Variants in ITPRID1 observed in about 807,000 individuals in gnomAD.
ITPRID1 encodes protein ITPRID1.
A neutral mutation model predicts 95.4 loss-of-function variants in ITPRID1; 96 were observed. The observed-to-expected ratio is 1.01, with a 90% CI of 0.85 to 1.19. The LOEUF (loss-of-function observed/expected upper bound fraction) is 1.19. Ranked by LOEUF, ITPRID1 falls within the 50% of genes most tolerant of loss-of-function variation. ITPRID1 has a pLI of 0.00. For missense variants in ITPRID1, 1,339 were observed against 1,252.9 expected, an observed-to-expected ratio of 1.07 and a Z score of -1.04; for synonymous variants, 510 against 453.6, an observed-to-expected ratio of 1.12 and a Z score of -1.58.
chr7:31,588,182 TAA>T (rs1452349882), intron 10 of ITPRID1, among the ~76,000 whole-genome samples: 1 of 152,044 alleles, frequency 6.6e-6, no homozygotes, highest in East Asian at 1.9e-4. Flanking sequence ...AACTCCTACA[TAA>T]AGGTACTGAA....
chr7:31,589,794 C>A (rs917612907), intron 10 of ITPRID1, among the ~76,000 whole-genome samples: 2 of 152,074 alleles, frequency 1.3e-5, no homozygotes, highest in Non-Finnish European at 2.9e-5. Flanking sequence ...GTAAACATTG[C>A]TAAAGGAAGT....
intron 10 of ITPRID1, among the ~76,000 whole-genome samples, chr7:31,599,259 A>C (rs1786240898): frequency 6.6e-6 from 1 of 152,216 alleles, no homozygotes; most frequent in Admixed American, 6.5e-5. Context: ...GTCTATCCAC[A>C]TAGATAAATA....
At chr7:31,559,111 C>T (rs1432772884) in intron 5 of ITPRID1, among the ~76,000 whole-genome samples, 4 of 152,178 alleles carry the variant, frequency 2.6e-5, no homozygotes, top group Admixed American at 2.0e-4. Context: ...GATTATTGCC[C>T]TCTTCTTGGT....
rs144272904 is a variant in ITPRID1, at chr7:31,548,278, A to G, written c.-97-1148A>G. Among the ~76,000 whole-genome samples, 1,351 of 152,216 alleles carry G rather than the reference A, an allele frequency of 8.9e-3. 12 individuals are homozygous for G. Among genetic ancestry groups the G allele is most frequent in the Non-Finnish European group, 0.013 (880 of 68,018 alleles). On this transcript the variant is annotated intron_variant, in intron 1 of 14. Transcript: ENST00000615280. ...GATAATGAAATCTTCCAGAAAGATG[A>G]CAGAAATACCATACTAAAATTTTCA... is the stretch of plus-strand genomic sequence containing the variant.
chr7:31,565,111 T>A (rs568844974), intron 5 of ITPRID1, among the ~76,000 whole-genome samples: 1 of 152,192 alleles, frequency 6.6e-6, no homozygotes, highest in South Asian at 2.1e-4. Flanking sequence ...TGTGCAAGGC[T>A]CCCAACTGCC....
At chr7:31,522,405 G>A (rs1783293998) in intron 1 of ITPRID1, among the ~76,000 whole-genome samples, 1 of 152,158 alleles carries the variant, frequency 6.6e-6, no homozygotes, top group African/African-American at 2.4e-5. Context: ...GTGCTATACA[G>A]CCTTCTTGGG....
At chr7:31,645,191 G>A (rs996228852) in intron 12 of ITPRID1, among the ~76,000 whole-genome samples, 3 of 152,200 alleles carry the variant, frequency 2.0e-5, no homozygotes, top group South Asian at 2.1e-4. Flanking sequence ...AGAAGTGTCC[G>A]ACTTTAAAAT....
Position 31,553,123 on chromosome 7 carries a change from G to A in ITPRID1, c.99G>A (p.Pro33=), listed in dbSNP as rs372303441. 118 of 1,596,438 alleles carry A rather than the reference G, an allele frequency of 7.4e-5. No individual in the cohort carries two copies. The African/African-American group carries it at 9.9e-4, about 13-fold the overall frequency. The change falls in exon 3 of 15, where the codon CCG becomes CCA. Residue 33 remains proline (P), a synonymous_variant. Coordinates refer to ENST00000615280, the MANE Select transcript of ITPRID1 (RefSeq NM_001257967.3). ...ILKCTKSAWA[P]LDEWLPPDPE... ...AGTGCACCAAAAGCGCGTGGGCTCC[G>A]CTGGATGAGTGGCTGCCCCCTGACC...
At position 31,549,443 on chromosome 7, in the gene ITPRID1, A is replaced by C; in HGVS notation, c.-80A>C. 6.6e-7 allele frequency: 1 copy of C among 1,511,164 alleles called. No homozygotes were observed. Among genetic ancestry groups the C allele is most frequent in the Non-Finnish European group, 8.8e-7 (1 of 1,137,226 alleles). The allele number at this position is 1,511,164 out of a possible 1,614,324, so 93.6% of individuals were successfully genotyped here. A position where few individuals can be genotyped will look rare whatever the true frequency, so the allele number is the denominator to read the frequency against. ...CTTGACAGTTCCTGACAGGATAAGG[A>C]CAAGAAGCAACACACAGAAGAGAAG... On this transcript the variant is annotated 5_prime_UTR_variant, in exon 2 of 15. Transcript: ENST00000615280.
chr7:31,521,904 ATTTTT>A lies in ITPRID1; in HGVS notation c.-98+7803_-98+7807del, dbSNP rs55777151. Among the ~76,000 whole-genome samples the A allele has an allele frequency of 2.8e-3, 337 of 119,002 alleles. 1 individual carries two copies. Among genetic ancestry groups the A allele is most frequent in the African/African-American group, 4.8e-3 (145 of 30,048 alleles). The allele number at this position is 119,002 out of a possible 152,430, so 78.1% of individuals were successfully genotyped here. A position where few individuals can be genotyped will look rare whatever the true frequency, so the allele number is the denominator to read the frequency against. ...ATGGACCTCCACATGGGCTAATTTA[ATTTTT>A]TTTTTTTTTTTTTTTTTTGGTAGAG... is the stretch of plus-strand genomic sequence containing the variant. On this transcript the variant is annotated intron_variant, in intron 1 of 14. Coordinates refer to ENST00000615280, the MANE Select transcript of ITPRID1 (RefSeq NM_001257967.3).
intron 10 of ITPRID1, among the ~76,000 whole-genome samples, chr7:31,636,549 G>T (rs867463883): frequency 6.6e-6 from 1 of 152,002 alleles, no homozygotes; most frequent in African/African-American, 2.4e-5. Context: ...TTTTACCAAG[G>T]CTCAACCTCT....
chr7:31,658,493 C>T, downstream of ITPRID1: 1 of 1,060,966 alleles, frequency 9.4e-7, no homozygotes, highest in Non-Finnish European at 1.2e-6. Context: ...AGTGGTGCCC[C>T]TTTGAGAAGA....
At chr7:31,554,697 A>G (rs534039239) in intron 4 of ITPRID1, among the ~76,000 whole-genome samples, 161 bp from the exon 5 acceptor site, 127 of 152,348 alleles carry the variant, frequency 8.3e-4, no homozygotes, top group Admixed American at 1.9e-3. Context: ...AAACTACAAA[A>G]TAAAATACTA....
At position 31,588,758 on chromosome 7, in the gene ITPRID1, A is replaced by T. The variant is rs537912217; in HGVS notation, c.1228+5567A>T. 1.8e-4 allele frequency among the ~76,000 whole-genome samples: 28 copies of T among 152,198 alleles called. No homozygotes were observed. In the South Asian group the frequency reaches 5.4e-3, roughly 29 times the overall value. ...AGAGAACCAAGGAGGAAAATCTCCA[A>T]ATTCTAGGAATTAAATCTGTTCAAA... On this transcript the variant is annotated intron_variant, in intron 10 of 14. Transcript: ENST00000615280.
At chr7:31,622,594 A>T (rs1158852728) in intron 10 of ITPRID1, among the ~76,000 whole-genome samples, 1 of 152,018 alleles carries the variant, frequency 6.6e-6, no homozygotes, top group Non-Finnish European at 1.5e-5. Context: ...AATCTCTGGG[A>T]CACATTCAAA....
rs1785010559 is a variant in ITPRID1, at chr7:31,572,094, A to C, written c.309-8A>C. ...CACATCTCATTGTTGATATTTTCCCAACTGTAGATCTTTGCATCAGTTTTC... is the reference window on the plus strand; with the variant it reads ...CACATCTCATTGTTGATATTTTCCCCACTGTAGATCTTTGCATCAGTTTTC... On this transcript the variant is annotated splice_region_variant and splice_polypyrimidine_tract_variant and intron_variant, in intron 6 of 14. Coordinates refer to ENST00000615280, the MANE Select transcript of ITPRID1 (RefSeq NM_001257967.3). The C allele has an allele frequency of 6.3e-7, 1 of 1,584,466 alleles. No individual in the cohort carries two copies. Among genetic ancestry groups the C allele is most frequent in the East Asian group, 2.2e-5 (1 of 44,666 alleles).
intron 1 of ITPRID1, among the ~76,000 whole-genome samples, chr7:31,528,219 T>C (rs1351223108): frequency 6.6e-6 from 1 of 152,200 alleles, no homozygotes; most frequent in Non-Finnish European, 1.5e-5. Context: ...AATACATGTA[T>C]AACTAATGGA....
chr7:31,618,790 G>T (rs1001277500), intron 10 of ITPRID1, among the ~76,000 whole-genome samples: 1 of 152,192 alleles, frequency 6.6e-6, no homozygotes, highest in Admixed American at 6.5e-5. Context: ...TGAAACCCAG[G>T]TTCCTCTGAC....
Position 31,653,000 on chromosome 7 carries a change from C to T in ITPRID1, c.*171C>T. ...GAGGAGTTTAGAATACTCTAATACT[C>T]ATTCAGTATAGAATAACTGAGCACC... On this transcript the variant is annotated 3_prime_UTR_variant, in exon 15 of 15. Transcript: ENST00000615280. 3 of 1,422,872 alleles carry T rather than the reference C, an allele frequency of 2.1e-6. No homozygotes were observed. Among genetic ancestry groups the T allele is most frequent in the East Asian group, 5.0e-5 (2 of 39,812 alleles). 88.1% of individuals were successfully genotyped at this position (1,422,872 alleles called of 1,614,324 possible).
Sources: gnomAD v4.1 joint callset for allele counts (sites outside exome capture counted in the v4.1 genomes callset) on GRCh38, gnomAD v4.1.1 for gene constraint, MANE v1.5 for transcripts, NCBI Gene and HGNC (gene_info 2026-07-23, HGNC 2026-07-21) for gene names.